MAF1: variants seen among roughly 807,000 people sequenced by gnomAD.
The protein encoded by MAF1 is MAF1 negative regulator of RNA polymerase III.
In MAF1, 7 loss-of-function variants were observed where a neutral mutation model predicts 31.9. The observed-to-expected ratio is 0.22, with a 90% CI of 0.12 to 0.41. The LOEUF is 0.41. MAF1 is among the 10% of genes least tolerant of loss of function. The probability of loss-of-function intolerance (pLI) is 1.00; values close to 1 mark genes in which losing one functional copy is unlikely to be tolerated. For missense variants in MAF1, 221 were observed against 323.1 expected (o/e 0.68, Z 2.42); for synonymous variants, 157 against 120.0 (o/e 1.31, Z -2.02).
chr8:144,106,287 C>G, intron 4 of MAF1, 46 bp downstream of exon 4: 1 of 1,612,880 alleles, frequency 6.2e-7, no homozygotes, highest in East Asian at 2.2e-5. Flanking sequence ...CCCCACTGTC[C>G]TTCCCCACTT....
In MAF1 at chr8:144,107,388, C is replaced by T; in HGVS notation, c.*279C>T. 5.0e-6 allele frequency: 3 copies of T among 594,242 alleles called. No individual in the cohort carries two copies. Among genetic ancestry groups the T allele is most frequent in the East Asian group, 2.8e-5 (1 of 35,672 alleles). 36.8% of individuals were successfully genotyped at this position (594,242 alleles called of 1,614,324 possible). On this transcript the variant is annotated 3_prime_UTR_variant, in exon 8 of 8. Coordinates refer to ENST00000322428, the MANE Select transcript of MAF1 (RefSeq NM_032272.5). ...CCCAAATGAACTGCCACAGCAGGGA[C>T]AGCTGGACCGCAGAGTTTATTTTTG...
At chr8:144,105,264 G>A (rs1190239687) in intron 1 of MAF1, 1 of 188,036 alleles carries the variant, frequency 5.3e-6, no homozygotes, top group Non-Finnish European at 1.1e-5. Flanking sequence ...ACGTCCCGTT[G>A]CGGACTCAAG....
rs1430807790 is a variant in MAF1, at chr8:144,105,890, G to A, written c.105G>A (p.Lys35=). The part of the protein sequence containing the change: ...IIGRIESYSC[K]MAGDDKHMFK... ...ATAGGATTGAGAGCTACTCATGTAA[G>A]ATGGCAGGAGACGACAAACACATGT... is the stretch of plus-strand genomic sequence containing the variant. The change falls in exon 3 of 8, where the codon AAG becomes AAA. Residue 35 remains lysine, a synonymous_variant. Transcript: ENST00000322428. 2.5e-6 allele frequency: 4 copies of A among 1,613,026 alleles called. No individual in the cohort carries two copies. Among genetic ancestry groups the A allele is most frequent in the South Asian group, 1.1e-5 (1 of 91,084 alleles).
rs943540931 is a variant in MAF1 at position 144,106,106 on chromosome 8, G to A, written c.243G>A (p.Glu81=). ...RLSKSQGGEE[E]GPLSDKCSRK... is the part of the protein sequence containing the mutation. The stretch of plus-strand genomic sequence containing the variant: ...GCAAAAGCCAAGGCGGTGAGGAGGA[G>A]GGCCCCCTCAGTGACAAGTGCAGCC... The change falls in exon 4 of 8, where the codon GAG becomes GAA. Residue 81 remains glutamate, a synonymous_variant. Coordinates refer to ENST00000322428, the MANE Select transcript of MAF1 (RefSeq NM_032272.5). 1 of 1,613,576 alleles carries A rather than the reference G, an allele frequency of 6.2e-7. No homozygotes were observed. The highest frequency in any genetic ancestry group is 1.3e-5 in the African/African-American group (1 of 74,926).
rs750648890 is a variant in MAF1, at chr8:144,105,692, A to C, written c.9A>C (p.Leu3=). ...GCTCCTTCCCCAAAGACATGAAGCT[A>C]TTGGAGAACTCGAGCTTTGAAGCCA... is the stretch of plus-strand genomic sequence containing the variant. MK[L]LENSSFEAIN... is the part of the protein sequence containing the mutation. Residue 3 remains leucine, a synonymous_variant, in exon 2 of 8, where the codon CTA becomes CTC. Transcript: ENST00000322428. The C allele has an allele frequency of 6.2e-7, 1 of 1,613,082 alleles. No homozygotes were observed. Among genetic ancestry groups the C allele is most frequent in the Admixed American group, 1.7e-5 (1 of 60,014 alleles).
rs1167545662 is a variant in MAF1, at chr8:144,105,959, A to G, written c.174A>G (p.Ala58=). The part of the protein sequence containing the change: ...CQEGQPHVLE[A]LSPPQTSGLS... ...AGGGCCAGCCCCACGTGCTGGAGGCACTTTCTCCACCCCAGACTTCAGGAC... is the reference window on the plus strand; with the variant it reads ...AGGGCCAGCCCCACGTGCTGGAGGCGCTTTCTCCACCCCAGACTTCAGGAC... Residue 58 remains alanine, a synonymous_variant, in exon 3 of 8, where the codon GCA becomes GCG. Coordinates refer to ENST00000322428, the MANE Select transcript of MAF1 (RefSeq NM_032272.5). The G allele has an allele frequency of 6.2e-7, 1 of 1,613,236 alleles. No homozygotes were observed. Among genetic ancestry groups the G allele is most frequent in the East Asian group, 2.2e-5 (1 of 44,878 alleles).
In MAF1 at chr8:144,107,345, G is replaced by A. The variant is rs1230720293; in HGVS notation, c.*236G>A. On this transcript the variant is annotated 3_prime_UTR_variant, in exon 8 of 8. Coordinates refer to ENST00000322428, the MANE Select transcript of MAF1 (RefSeq NM_032272.5). ...GGACTTGTCAGCAGGGGGCCTGGTG[G>A]GAGGAGCGACTGCCCTGCCCAAATG... is the stretch of plus-strand genomic sequence containing the variant. The A allele has an allele frequency of 3.3e-6, 2 of 613,510 alleles. No individual in the cohort carries two copies. Among genetic ancestry groups the A allele is most frequent in the Non-Finnish European group, 5.8e-6 (2 of 346,382 alleles). The allele number at this position is 613,510 out of a possible 1,614,324, so 38.0% of individuals were successfully genotyped here. A position where few individuals can be genotyped will look rare whatever the true frequency, so the allele number is the denominator to read the frequency against.
In MAF1 at chr8:144,107,412, T is replaced by C; in HGVS notation, c.*303T>C. ...ACAGCTGGACCGCAGAGTTTATTTT[T>C]GTATTTCTACTGGGCCTGCACACTC... On this transcript the variant is annotated 3_prime_UTR_variant, in exon 8 of 8. Transcript: ENST00000322428. 1 of 582,588 alleles carries C rather than the reference T, an allele frequency of 1.7e-6. No individual in the cohort carries two copies. The highest frequency in any genetic ancestry group is 3.1e-6 in the Non-Finnish European group (1 of 325,586). 36.1% of individuals were successfully genotyped at this position (582,588 alleles called of 1,614,324 possible).
Position 144,106,416 on chromosome 8 carries a change from G to T in MAF1, c.452G>T (p.Trp151Leu). The change falls in exon 5 of 8, where the codon TGG (tryptophan) becomes TTG (leucine). Residue 151 changes from tryptophan to leucine, a missense_variant. Physicochemically the swap from Trp to Leu is moderately conservative, Grantham distance 61 (BLOSUM62 -2). Coordinates refer to ENST00000322428, the MANE Select transcript of MAF1 (RefSeq NM_032272.5). ...TTCAAGGATCTGAAACCACAGCTGT[G>T]GAACGCGGTGGACGAGGAGATCTGC... is the stretch of plus-strand genomic sequence containing the variant. ...EDFKDLKPQL[W>L]NAVDEEICLA... 6.2e-7 allele frequency: 1 copy of T among 1,614,018 alleles called. No homozygotes were observed. Among genetic ancestry groups the T allele is most frequent in the Non-Finnish European group, 8.5e-7 (1 of 1,180,012 alleles).
Position 144,107,462 on chromosome 8 carries a change from G to A in MAF1, c.*353G>A. Reference sequence around the variant, plus strand: ...CCAGCCCAAAGGGTCTGTGGCCGGAGGCCCCACGAGCAGGCCCCAGCAGTC... The same window carrying A: ...CCAGCCCAAAGGGTCTGTGGCCGGAAGCCCCACGAGCAGGCCCCAGCAGTC... On this transcript the variant is annotated 3_prime_UTR_variant, in exon 8 of 8. Coordinates refer to ENST00000322428, the MANE Select transcript of MAF1 (RefSeq NM_032272.5). 1 of 583,552 alleles carries A rather than the reference G, an allele frequency of 1.7e-6. No individual in the cohort carries two copies. The highest frequency in any genetic ancestry group is 3.1e-6 in the Non-Finnish European group (1 of 326,980). 36.1% of individuals were successfully genotyped at this position (583,552 alleles called of 1,614,324 possible). A position where few individuals can be genotyped will look rare whatever the true frequency, so the allele number is the denominator to read the frequency against.
chr8:144,107,379 CA>C lies in MAF1; in HGVS notation c.*271del. 1.7e-6 allele frequency: 1 copy of C among 596,616 alleles called. No homozygotes were observed. Among genetic ancestry groups the C allele is most frequent in the Non-Finnish European group, 3.0e-6 (1 of 333,910 alleles). The allele number at this position is 596,616 out of a possible 1,614,324, so 37.0% of individuals were successfully genotyped here. On this transcript the variant is annotated 3_prime_UTR_variant, in exon 8 of 8. Coordinates refer to ENST00000322428, the MANE Select transcript of MAF1 (RefSeq NM_032272.5). ...ACTGCCCTGCCCAAATGAACTGCCA[CA>C]GCAGGGACAGCTGGACCGCAGAGTT...
rs1316919254 is a variant in MAF1, at chr8:144,104,740, G to A, written c.-163G>A. ...AGCGGAGGCCGCGGCGCCGCCCTCCGATCTTGAAGAGCCCGCGCTGCGCGG... is the reference window on the plus strand; with the variant it reads ...AGCGGAGGCCGCGGCGCCGCCCTCCAATCTTGAAGAGCCCGCGCTGCGCGG... On this transcript the variant is annotated 5_prime_UTR_variant, in exon 1 of 8. Transcript: ENST00000322428. 1 of 152,134 alleles carries A rather than the reference G, an allele frequency of 6.6e-6. No homozygotes were observed. Among genetic ancestry groups the A allele is most frequent in the African/African-American group, 2.4e-5 (1 of 41,406 alleles). The allele number at this position is 152,134 out of a possible 1,614,324, so 9.4% of individuals were successfully genotyped here.
chr8:144,107,608 C>T lies in MAF1; in HGVS notation c.*499C>T, dbSNP rs1587620805. On this transcript the variant is annotated 3_prime_UTR_variant, in exon 8 of 8. Transcript: ENST00000322428. The stretch of plus-strand genomic sequence containing the variant: ...TTCTTTCCAATAAAAGTTTCTGTGA[C>T]TTAGTGTGGACCTGATGCGGTGTGG... The T allele has an allele frequency of 3.5e-6, 2 of 568,230 alleles. No individual in the cohort carries two copies. The highest frequency in any genetic ancestry group is 6.6e-6 in the Non-Finnish European group (2 of 303,852). The allele number at this position is 568,230 out of a possible 1,614,324, so 35.2% of individuals were successfully genotyped here.
rs1249261213 is a variant in MAF1 at position 144,107,283 on chromosome 8, A to C, written c.*174A>C. The stretch of plus-strand genomic sequence containing the variant: ...CTTTGGCTCCATCCTGTGGATGCCC[A>C]CTCACCCCTCAGACTCCTGCTGCCC... On this transcript the variant is annotated 3_prime_UTR_variant, in exon 8 of 8. Coordinates refer to ENST00000322428, the MANE Select transcript of MAF1 (RefSeq NM_032272.5). 3.7e-6 allele frequency: 3 copies of C among 804,790 alleles called. No individual in the cohort carries two copies. Among genetic ancestry groups the C allele is most frequent in the Non-Finnish European group, 6.1e-6 (3 of 494,994 alleles). 49.9% of individuals were successfully genotyped at this position (804,790 alleles called of 1,614,324 possible).
rs1374371880 is a variant in MAF1 at position 144,106,831 on chromosome 8, T to G, written c.621-4T>G. ...CTGAAACTGGTTTCCCTGCCTCCCC[T>G]CAGTGGCTCCACCTACACACCCTCA... On this transcript the variant is annotated splice_region_variant and splice_polypyrimidine_tract_variant and intron_variant, in intron 6 of 7. Coordinates refer to ENST00000322428, the MANE Select transcript of MAF1 (RefSeq NM_032272.5). 1 of 1,534,440 alleles carries G rather than the reference T, an allele frequency of 6.5e-7. No homozygotes were observed. Among genetic ancestry groups the G allele is most frequent in the African/African-American group, 1.4e-5 (1 of 72,204 alleles).
At position 144,107,354 on chromosome 8, in the gene MAF1, A is replaced by G. The variant is rs11546143; in HGVS notation, c.*245A>G. On this transcript the variant is annotated 3_prime_UTR_variant, in exon 8 of 8. Coordinates refer to ENST00000322428, the MANE Select transcript of MAF1 (RefSeq NM_032272.5). ...AGCAGGGGGCCTGGTGGGAGGAGCG[A>G]CTGCCCTGCCCAAATGAACTGCCAC... The G allele has an allele frequency of 3.3e-6, 2 of 606,308 alleles. No individual in the cohort carries two copies. Among genetic ancestry groups the G allele is most frequent in the Middle Eastern group, 2.8e-4 (1 of 3,612 alleles). 37.6% of individuals were successfully genotyped at this position (606,308 alleles called of 1,614,324 possible). A position where few individuals can be genotyped will look rare whatever the true frequency, so the allele number is the denominator to read the frequency against.
chr8:144,106,720 C>G (rs1162600767), intron 6 of MAF1, 46 bp downstream of exon 6: 3 of 1,595,456 alleles, frequency 1.9e-6, no homozygotes, highest in Non-Finnish European at 2.6e-6. Flanking sequence ...TGGGCCGATA[C>G]AACTTCCCCA....
chr8:144,105,976 C>G lies in MAF1; in HGVS notation c.191C>G (p.Thr64Ser). The change falls in exon 3 of 8, where the codon ACT becomes AGT. Residue 64 changes from threonine to serine, a missense_variant. Transcript: ENST00000322428. ...CTGGAGGCACTTTCTCCACCCCAGA[C>G]TTCAGGACTGAGCCCCAGCAGGTGA... ...HVLEALSPPQ[T>S]SGLSPSRLSK... The G allele has an allele frequency of 6.2e-7, 1 of 1,613,372 alleles. No individual in the cohort carries two copies. Among genetic ancestry groups the G allele is most frequent in the Non-Finnish European group, 8.5e-7 (1 of 1,180,018 alleles).
chr8:144,107,043 A>C, intron 7 of MAF1, 45 bp from the exon 8 acceptor site: 1 of 1,566,544 alleles, frequency 6.4e-7, no homozygotes. Context: ...TACTTGGTCT[A>C]AGTGGTGGCT....
Sources: gnomAD v4.1 joint callset for allele counts on GRCh38, gnomAD v4.1.1 for gene constraint, MANE v1.5 for transcripts, NCBI Gene and HGNC (gene_info 2026-07-23, HGNC 2026-07-21) for gene names.